Variants in PREX1 observed in about 807,000 individuals in gnomAD.
PREX1 encodes phosphatidylinositol-3,4,5-trisphosphate dependent Rac exchange factor 1.
A neutral mutation model predicts 198.3 loss-of-function variants in PREX1; 41 were observed. The observed-to-expected ratio is 0.21, with a 90% CI of 0.16 to 0.27. The LOEUF (loss-of-function observed/expected upper bound fraction) is 0.27, where lower values mean the gene tolerates loss of function less well. PREX1 is among the 10% of genes least tolerant of loss of function. The pLI is 1.00. For missense variants in PREX1, 1,620 were observed against 2,200.7 expected, an observed-to-expected ratio of 0.74 and a Z score of 5.28; for synonymous variants, 843 against 887.2, an observed-to-expected ratio of 0.95 and a Z score of 0.89.
chr20:48,678,912 G>A (rs2123011964), intron 13 of PREX1, among the ~76,000 whole-genome samples: 1 of 152,344 alleles, frequency 6.6e-6, no homozygotes, highest in African/African-American at 2.4e-5. Context: ...TATGCAGGTA[G>A]GCAGGGAAGA....
At chr20:48,776,966 TC>T (rs768800450) in intron 1 of PREX1, among the ~76,000 whole-genome samples, 11 of 152,046 alleles carry the variant, frequency 7.2e-5, no homozygotes, top group Admixed American at 2.0e-4. Flanking sequence ...CCATAACCAC[TC>T]CAACACCCTG....
At chr20:48,882,832 T>C in the PREX1 span, among the ~76,000 whole-genome samples, 1 of 151,960 alleles carries the variant, frequency 6.6e-6, no homozygotes, top group African/African-American at 2.4e-5. Flanking sequence ...CCAGTGATAA[T>C]AAATTTAATC....
rs1344402191 is a variant in PREX1, at chr20:48,627,413, CA to C, written c.4937+134del. On this transcript the variant is annotated intron_variant, in intron 39 of 39. Transcript: ENST00000371941. Reference sequence around the variant, plus strand: ...TGACAAAGTTGTGTCTGTTGCTCCTCAAAGAGGTTCCCCATAAATGAGAGGG... The same window carrying C: ...TGACAAAGTTGTGTCTGTTGCTCCTCAAGAGGTTCCCCATAAATGAGAGGG... 5 of 1,019,006 alleles carry C rather than the reference CA, an allele frequency of 4.9e-6. No individual in the cohort carries two copies. In the Admixed American group the frequency reaches 1.0e-4, roughly 21 times the overall value. The allele number at this position is 1,019,006 out of a possible 1,614,324, so 63.1% of individuals were successfully genotyped here. A position where few individuals can be genotyped will look rare whatever the true frequency, so the allele number is the denominator to read the frequency against.
At chr20:48,820,183 G>A (rs1186308862) in intron 1 of PREX1, among the ~76,000 whole-genome samples, 1 of 151,980 alleles carries the variant, frequency 6.6e-6, no homozygotes, top group African/African-American at 2.4e-5. Context: ...TCCTCAAGGA[G>A]CCAAGAAAAT....
the PREX1 span, among the ~76,000 whole-genome samples, chr20:48,844,316 A>T: frequency 6.6e-6 from 1 of 152,182 alleles, no homozygotes; most frequent in East Asian, 1.9e-4. Context: ...CTGGCAGCAG[A>T]TATGTGCTCA....
In PREX1 at chr20:48,691,159, A is replaced by G; in HGVS notation, c.1037-63T>C. ...AGCCGCGTGACCTTCAACACTCCCC[A>G]TTGCCAAGCCCTTCCGCCCCAGCAC... On this transcript the variant is annotated intron_variant, in intron 8 of 39. Transcript: ENST00000371941. This position sits in a 1 kb window ranked among gnomAD's most constrained non-coding sequence, Gnocchi z 5.0. The G allele has an allele frequency of 1.2e-6, 2 of 1,605,520 alleles. No individual in the cohort carries two copies. Among genetic ancestry groups the G allele is most frequent in the Non-Finnish European group, 1.7e-6 (2 of 1,173,430 alleles).
In PREX1 at chr20:48,627,679, G is replaced by A. The variant is rs537618168; in HGVS notation, c.4870-64C>T. 3.5e-4 allele frequency: 529 copies of A among 1,511,962 alleles called. 1 individual carries two copies. In the African/African-American group the frequency reaches 6.7e-3, roughly 19 times the overall value. The allele number at this position is 1,511,962 out of a possible 1,614,324, so 93.7% of individuals were successfully genotyped here. A position where few individuals can be genotyped will look rare whatever the true frequency, so the allele number is the denominator to read the frequency against. On this transcript the variant is annotated intron_variant, in intron 38 of 39. Transcript: ENST00000371941. Reference sequence around the variant, plus strand: ...TCAGGGCACGTGAGGAAGCACACTGGGGGGTGGGGGTGGGGCCCAGAAGCC... The same window carrying A: ...TCAGGGCACGTGAGGAAGCACACTGAGGGGTGGGGGTGGGGCCCAGAAGCC...
intron 14 of PREX1, among the ~76,000 whole-genome samples, chr20:48,673,835 A>G (rs1489565255): frequency 6.6e-6 from 1 of 152,146 alleles, no homozygotes; most frequent in African/African-American, 2.4e-5. Context: ...GTAATAGTTA[A>G]CGTTTATTGA....
the PREX1 span, among the ~76,000 whole-genome samples, chr20:48,881,671 G>A: frequency 2.6e-5 from 4 of 152,086 alleles, no homozygotes; most frequent in Non-Finnish European, 5.9e-5. Flanking sequence ...ACTTTTAGTA[G>A]AGACGGGGTT....
chr20:48,726,369 C>G lies in PREX1; in HGVS notation c.542G>C (p.Arg181Pro). ...FLLSCMLLGGRKTTDIPLEGY... is the reference protein window; with the variant it reads ...FLLSCMLLGGPKTTDIPLEGY... ...TTCCAAAGGGATGTCCGTGGTCTTCCGGCCTCCCAGAAGCATGCAGCTCTG... is the reference window on the plus strand; with the variant it reads ...TTCCAAAGGGATGTCCGTGGTCTTCGGGCCTCCCAGAAGCATGCAGCTCTG... The change falls in exon 5 of 40, where the codon CGG (arginine) becomes CCG (proline). Residue 181 changes from arginine to proline, a missense_variant. By Grantham distance (103) the Arg-to-Pro change is moderately radical. Around this residue, in one of 7 missense-constraint regions of PREX1, gnomAD observed 488 missense variants for 802.5 expected, o/e 0.61. Transcript: ENST00000371941. 1 of 1,613,260 alleles carries G rather than the reference C, an allele frequency of 6.2e-7. No individual in the cohort carries two copies. The highest frequency in any genetic ancestry group is 8.5e-7 in the Non-Finnish European group (1 of 1,179,670).
intron 5 of PREX1, among the ~76,000 whole-genome samples, chr20:48,719,872 T>C (rs910806909): frequency 6.6e-5 from 10 of 152,124 alleles, no homozygotes; most frequent in Non-Finnish European, 1.5e-4. Flanking sequence ...GCAGATCCCA[T>C]TCCTCCCTGC....
chr20:48,706,276 T>G (rs900680395), intron 6 of PREX1, among the ~76,000 whole-genome samples: 22 of 152,324 alleles, frequency 1.4e-4, no homozygotes, highest in African/African-American at 5.3e-4. Flanking sequence ...TTGGGGCCCA[T>G]GTGAGAAATT....
At chr20:48,677,120 TG>T (rs546285155) in intron 13 of PREX1, among the ~76,000 whole-genome samples, 2 of 152,134 alleles carry the variant, frequency 1.3e-5, no homozygotes, top group South Asian at 2.1e-4. Context: ...GCTTTAGGAC[TG>T]GGGGGGTCTG....
At chr20:48,741,583 C>T (rs1320719673) in intron 3 of PREX1, among the ~76,000 whole-genome samples, 2 of 152,112 alleles carry the variant, frequency 1.3e-5, no homozygotes, top group African/African-American at 4.8e-5. Flanking sequence ...GAGTCCCTGT[C>T]CTCATGTTGT....
At chr20:48,693,136 G>C (rs1473850071) in intron 7 of PREX1, among the ~76,000 whole-genome samples, 1 of 152,172 alleles carries the variant, frequency 6.6e-6, no homozygotes, top group Non-Finnish European at 1.5e-5. Context: ...TCAAAGACAG[G>C]AACTTCCTGA....
At chr20:48,730,855 G>T (rs1354512376) in intron 4 of PREX1, among the ~76,000 whole-genome samples, 1 of 151,966 alleles carries the variant, frequency 6.6e-6, no homozygotes, top group Non-Finnish European at 1.5e-5. Flanking sequence ...AAAATTAGCT[G>T]GGCATGGTGG....
intron 20 of PREX1, 110 bp downstream of exon 20, chr20:48,653,251 C>T: frequency 6.7e-7 from 1 of 1,492,746 alleles, no homozygotes; most frequent in Middle Eastern, 2.4e-4. Flanking sequence ...CTCCACCCTA[C>T]TCACAACCAG....
chr20:48,715,576 T>A (rs1024939407), intron 5 of PREX1, among the ~76,000 whole-genome samples: 1 of 152,118 alleles, frequency 6.6e-6, no homozygotes, highest in Non-Finnish European at 1.5e-5. Flanking sequence ...AGTGTGTGCA[T>A]CTGTGAAGGA....
At chr20:48,711,198 C>T (rs1387876845) in intron 5 of PREX1, among the ~76,000 whole-genome samples, 1 of 152,174 alleles carries the variant, frequency 6.6e-6, no homozygotes, top group Non-Finnish European at 1.5e-5. Flanking sequence ...TGCATGTATC[C>T]ACTCAGCCAG....
Sources: allele counts gnomAD v4.1 joint callset (sites outside exome capture counted in the v4.1 genomes callset), GRCh38; gene constraint gnomAD v4.1.1; regional missense constraint gnomAD v4.1.1; non-coding constraint Gnocchi (gnomAD v3.1); transcripts MANE v1.5; gene names NCBI Gene and HGNC (gene_info 2026-07-23, HGNC 2026-07-21).